Variants in MCTP1 observed in about 807,000 individuals in gnomAD.
MCTP1 encodes the protein multiple C2 and transmembrane domain-containing protein 1.
MCTP1 carries 69 observed loss-of-function variants against 120.6 expected under a neutral mutation model. The observed-to-expected ratio is 0.57, with a 90% CI of 0.47 to 0.70. The LOEUF is 0.70. Ranked by LOEUF, MCTP1 falls within the 30% of genes least tolerant of loss-of-function variation. The pLI is 0.00. For synonymous variants in MCTP1, 529 were observed against 493.1 expected, an observed-to-expected ratio of 1.07 and a Z score of -0.96; for missense variants, 1,203 against 1,248.8, an observed-to-expected ratio of 0.96 and a Z score of 0.55.
At chr5:95,104,153 C>T (rs187400918) in intron 1 of MCTP1, among the ~76,000 whole-genome samples, 229 of 152,214 alleles carry the variant, frequency 1.5e-3, no homozygotes, top group Admixed American at 2.9e-3. Context: ...AAATCATAAG[C>T]ACGGCATATT....
At chr5:95,260,570 T>A (rs1283515672) in intron 1 of MCTP1, among the ~76,000 whole-genome samples, 4 of 152,158 alleles carry the variant, frequency 2.6e-5, no homozygotes, top group Non-Finnish European at 5.9e-5. Flanking sequence ...CATAGTCTGG[T>A]GAGTGTAAAT....
chr5:95,053,618 T>TGAGGAAAGGAGAAACCG (rs1746590755), intron 1 of MCTP1, among the ~76,000 whole-genome samples: 2 of 152,086 alleles, frequency 1.3e-5, no homozygotes, highest in African/African-American at 2.4e-5. Flanking sequence ...AGAAAGAAAA[T>TGAGGAAAGGAGAAACCG]GAGGAAAGGA....
At chr5:94,881,706 G>A (rs546818959) in intron 12 of MCTP1, among the ~76,000 whole-genome samples, 60 of 152,064 alleles carry the variant, frequency 3.9e-4, no homozygotes, top group Non-Finnish European at 7.9e-4. Flanking sequence ...TAATAAGGTT[G>A]TTGTGAGATT....
intron 1 of MCTP1, among the ~76,000 whole-genome samples, chr5:95,258,819 C>A (rs1212268999): frequency 6.6e-6 from 1 of 152,164 alleles, no homozygotes; most frequent in Non-Finnish European, 1.5e-5. Flanking sequence ...CTGAGGAAAT[C>A]TCTGTCCCAA....
chr5:95,198,934 C>T (rs10077145), intron 1 of MCTP1, among the ~76,000 whole-genome samples: 30,126 of 152,106 alleles, frequency 0.2, 3,160 homozygotes, highest in Non-Finnish European at 0.23. Context: ...CTCTCTTTTA[C>T]TCTGTATTGA....
intron 1 of MCTP1, among the ~76,000 whole-genome samples, chr5:95,078,306 A>G (rs1476184475): frequency 6.6e-6 from 1 of 152,182 alleles, no homozygotes. Context: ...TCAAAACACA[A>G]AATTCCCTAA....
chr5:94,840,984 C>T (rs914473832), intron 17 of MCTP1, among the ~76,000 whole-genome samples: 6 of 152,150 alleles, frequency 3.9e-5, no homozygotes, highest in African/African-American at 1.2e-4. Context: ...GCCACTTGGC[C>T]ATTTCATATA....
intron 1 of MCTP1, among the ~76,000 whole-genome samples, chr5:95,027,664 G>C (rs1387774231): frequency 6.6e-6 from 1 of 152,176 alleles, no homozygotes; most frequent in Non-Finnish European, 1.5e-5. Flanking sequence ...GGAGAGTGAA[G>C]ATCTATGAGC....
chr5:94,878,564 A>G (rs1471197623), intron 12 of MCTP1, among the ~76,000 whole-genome samples: 1 of 152,104 alleles, frequency 6.6e-6, no homozygotes, highest in East Asian at 1.9e-4. Context: ...CTGGAATAAA[A>G]CTGACTGACA....
intron 1 of MCTP1, among the ~76,000 whole-genome samples, chr5:95,281,367 G>A (rs1760297588): frequency 1.3e-5 from 2 of 152,192 alleles, no homozygotes; most frequent in African/African-American, 4.8e-5. Context: ...CCATTCAGAG[G>A]TGAGCCGGGC....
At chr5:94,952,189 A>AAAAAAAAAAAAAAAAAT in intron 3 of MCTP1, among the ~76,000 whole-genome samples, 1 of 143,850 alleles carries the variant, frequency 7.0e-6, no homozygotes, top group African/African-American at 2.5e-5. Context: ...AAAAAAAAAA[A>AAAAAAAAAAAAAAAAAT]AAAAGCTATT....
At chr5:94,890,198 G>A (rs980903492) in intron 11 of MCTP1, among the ~76,000 whole-genome samples, 7 of 152,190 alleles carry the variant, frequency 4.6e-5, no homozygotes, top group Admixed American at 2.0e-4. Flanking sequence ...GTAGAAAAAT[G>A]TCCTGTTATG....
At chr5:95,270,931 C>A (rs1488178436) in intron 1 of MCTP1, among the ~76,000 whole-genome samples, 61 of 145,580 alleles carry the variant, frequency 4.2e-4, no homozygotes, top group African/African-American at 5.4e-4. Flanking sequence ...CTCTCTCTCT[C>A]AAAAAAAAAA....
intron 11 of MCTP1, among the ~76,000 whole-genome samples, chr5:94,889,198 T>C (rs1339657161): frequency 6.6e-6 from 1 of 152,210 alleles, no homozygotes; most frequent in Non-Finnish European, 1.5e-5. Flanking sequence ...CTCGTATTTA[T>C]TTCAAAAGAC....
At chr5:94,803,312 C>G (rs1225133482) in intron 17 of MCTP1, among the ~76,000 whole-genome samples, 2 of 152,178 alleles carry the variant, frequency 1.3e-5, no homozygotes, top group Non-Finnish European at 1.5e-5. Context: ...TACTCATTAT[C>G]CTGCATGTTA....
intron 17 of MCTP1, among the ~76,000 whole-genome samples, chr5:94,866,179 A>G (rs993720847): frequency 6.6e-5 from 10 of 151,858 alleles, no homozygotes; most frequent in Non-Finnish European, 1.0e-4. Context: ...CATAAGAAAA[A>G]ATTTCAGATT....
At chr5:94,797,525 G>A (rs1460144154) in intron 18 of MCTP1, among the ~76,000 whole-genome samples, 1 of 152,040 alleles carries the variant, frequency 6.6e-6, no homozygotes, top group Non-Finnish European at 1.5e-5. Context: ...TGACACCAAC[G>A]CTTATAGCAT....
intron 1 of MCTP1, among the ~76,000 whole-genome samples, chr5:95,182,351 A>T (rs1748694336): frequency 2.6e-5 from 4 of 152,220 alleles, no homozygotes; most frequent in African/African-American, 9.6e-5. Flanking sequence ...TATTGAGAAG[A>T]TGCTCACTCT....
At chr5:94,854,561 T>G (rs1156508926) in intron 17 of MCTP1, among the ~76,000 whole-genome samples, 1 of 151,900 alleles carries the variant, frequency 6.6e-6, no homozygotes, top group Non-Finnish European at 1.5e-5. Context: ...ACTATAACAC[T>G]GTAAAAATGA....
Sources: gnomAD v4.1 joint callset for allele counts (sites outside exome capture counted in the v4.1 genomes callset) on GRCh38, gnomAD v4.1.1 for gene constraint, MANE v1.5 for transcripts, NCBI Gene and HGNC (gene_info 2026-07-23, HGNC 2026-07-21) for gene names.